Variants in XKR9 observed in about 807,000 individuals in gnomAD.
XKR9 encodes the protein XK-related protein 9.
In XKR9, 32 loss-of-function variants were observed where a neutral mutation model predicts 32.0. The observed-to-expected ratio is 1.00, with a 90% CI of 0.76 to 1.34. The LOEUF is 1.34. XKR9 is among the 40% of genes most tolerant of loss of function. The pLI, the probability that XKR9 is intolerant of heterozygous loss-of-function variation, is 0.00. For synonymous variants in XKR9, 168 were observed against 143.4 expected (o/e 1.17, Z -1.22); for missense variants, 546 against 429.7 (o/e 1.27, Z -2.39).
At chr8:70,673,300 C>T (rs1818778856) in intron 1 of XKR9, among the ~76,000 whole-genome samples, 1 of 152,148 alleles carries the variant, frequency 6.6e-6, no homozygotes, top group Non-Finnish European at 1.5e-5. Flanking sequence ...CACTTTCCTT[C>T]TGGATTCCAT....
At chr8:70,756,643 T>C (rs1456897658) in intron 2 of XKR9, among the ~76,000 whole-genome samples, 4 of 152,216 alleles carry the variant, frequency 2.6e-5, no homozygotes, top group Non-Finnish European at 5.9e-5. Flanking sequence ...ATTGTTTTCT[T>C]AATTTCATTT....
At chr8:70,802,455 T>C in the XKR9 span, among the ~76,000 whole-genome samples, 2 of 152,258 alleles carry the variant, frequency 1.3e-5, no homozygotes, top group African/African-American at 4.8e-5. Context: ...TGCCTTTTAA[T>C]TGGGGCATTT....
chr8:70,892,674 G>A, the XKR9 span, among the ~76,000 whole-genome samples: 2,261 of 152,116 alleles, frequency 0.015, 48 homozygotes, highest in African/African-American at 0.047. Flanking sequence ...TTCTTTCCTG[G>A]CCTGTAAGGT....
At chr8:70,687,793 C>A (rs1274795672) in intron 3 of XKR9, among the ~76,000 whole-genome samples, 2 of 152,014 alleles carry the variant, frequency 1.3e-5, no homozygotes, top group Non-Finnish European at 2.9e-5. Flanking sequence ...TAATTTAATT[C>A]TTTTGTGTTC....
chr8:70,687,795 TTTGTG>T (rs1819356644), intron 3 of XKR9, among the ~76,000 whole-genome samples: 1 of 152,214 alleles, frequency 6.6e-6, no homozygotes, highest in Admixed American at 6.5e-5. Flanking sequence ...ATTTAATTCT[TTTGTG>T]TTCAGATAAC....
the XKR9 span, among the ~76,000 whole-genome samples, chr8:70,850,976 GA>G: frequency 2.0e-5 from 3 of 152,264 alleles, no homozygotes; most frequent in East Asian, 5.8e-4. Flanking sequence ...CAAATAGGAA[GA>G]GAGGAAGTCA....
At chr8:70,921,718 A>C in the XKR9 span, among the ~76,000 whole-genome samples, 1 of 152,332 alleles carries the variant, frequency 6.6e-6, no homozygotes, top group African/African-American at 2.4e-5. Context: ...TAAAGTACAA[A>C]GGAGCGGCTG....
rs538681031 is a variant in XKR9 at position 70,698,754 on chromosome 8, C to G, written c.273-8179C>G. Among the ~76,000 whole-genome samples, 3 of 152,236 alleles carry G rather than the reference C, an allele frequency of 2.0e-5. No individual in the cohort carries two copies. The East Asian group carries it at 5.8e-4, about 29-fold the overall frequency. On this transcript the variant is annotated intron_variant, in intron 3 of 4. Coordinates refer to ENST00000408926, the MANE Select transcript of XKR9 (RefSeq NM_001011720.2). ...CTGGGTATCCTCGTTAACTTTCTGT[C>G]TTGTTGATCTGTCTAATGTTGACAG... is the stretch of plus-strand genomic sequence containing the variant.
intron 2 of XKR9, among the ~76,000 whole-genome samples, chr8:70,767,098 A>T (rs2130222802): frequency 6.6e-6 from 1 of 152,264 alleles, no homozygotes; most frequent in East Asian, 1.9e-4. Context: ...TGGTATCAGG[A>T]TGATGCTGGC....
At chr8:70,695,588 C>T (rs867634731) in intron 3 of XKR9, among the ~76,000 whole-genome samples, 14 of 151,874 alleles carry the variant, frequency 9.2e-5, no homozygotes, top group South Asian at 6.2e-4. Context: ...TGTTGGACAT[C>T]TGGGTTGGTT....
chr8:70,678,655 C>T (rs924850112), intron 2 of XKR9, among the ~76,000 whole-genome samples: 1 of 152,124 alleles, frequency 6.6e-6, no homozygotes, highest in Admixed American at 6.6e-5. Flanking sequence ...AAATTCATGG[C>T]CCACTAGATT....
chr8:70,679,674 G>A (rs961147612), intron 2 of XKR9, among the ~76,000 whole-genome samples: 2 of 152,118 alleles, frequency 1.3e-5, no homozygotes, highest in Admixed American at 1.3e-4. Context: ...TGTGTTTTTT[G>A]TGAAATGTTG....
chr8:70,823,865 T>TGAAGGAAAGGCGCTAGCAACACTG, the XKR9 span, among the ~76,000 whole-genome samples: 4 of 152,152 alleles, frequency 2.6e-5, no homozygotes, highest in East Asian at 7.7e-4. Context: ...AGGAGAGTTC[T>TGAAGGAAAGGCGCTAGCAACACTG]GAAGGAAAGG....
the XKR9 span, among the ~76,000 whole-genome samples, chr8:70,956,107 G>A: frequency 6.6e-6 from 1 of 152,174 alleles, no homozygotes; most frequent in East Asian, 1.9e-4. Flanking sequence ...GTGGGGGTGG[G>A]GGAGCAAGTG....
chr8:70,744,781 T>C (rs1807035327), intron 2 of XKR9, among the ~76,000 whole-genome samples: 1 of 130,998 alleles, frequency 7.6e-6, no homozygotes, highest in Non-Finnish European at 1.8e-5. Flanking sequence ...AATTTTTGTA[T>C]TTTTGGTAGA....
At chr8:70,687,047 G>A (rs116135185) in intron 3 of XKR9, among the ~76,000 whole-genome samples, 1 of 151,792 alleles carries the variant, frequency 6.6e-6, no homozygotes, top group Non-Finnish European at 1.5e-5. Context: ...TCAAATGCTA[G>A]AGCCTATTCA....
chr8:71,032,764 G>T, the XKR9 span, among the ~76,000 whole-genome samples: 1 of 152,160 alleles, frequency 6.6e-6, no homozygotes. Context: ...ACAACCTCAA[G>T]GAAACACTCC....
At chr8:70,796,101 A>T in the XKR9 span, among the ~76,000 whole-genome samples, 1 of 151,470 alleles carries the variant, frequency 6.6e-6, no homozygotes, top group Non-Finnish European at 1.5e-5. Context: ...GTACATGTGC[A>T]GGTTTTTTGA....
At chr8:70,973,722 A>G in the XKR9 span, among the ~76,000 whole-genome samples, 2 of 152,168 alleles carry the variant, frequency 1.3e-5, no homozygotes, top group African/African-American at 2.4e-5. Context: ...CATTTACCCA[A>G]CAGTCACTCA....
Sources: allele counts gnomAD v4.1 joint callset (sites outside exome capture counted in the v4.1 genomes callset), GRCh38; gene constraint gnomAD v4.1.1; transcripts MANE v1.5; gene names NCBI Gene and HGNC (gene_info 2026-07-23, HGNC 2026-07-21).